The following RABEP1 variants were observed in gnomAD, a reference collection of about 807,000 sequenced individuals.
RABEP1 encodes rabaptin, RAB GTPase binding effector protein 1.
A neutral mutation model predicts 123.4 loss-of-function variants in RABEP1; 51 were observed. The ratio of observed to expected loss-of-function variants is 0.41; its 90% confidence interval spans 0.33 to 0.52. The LOEUF (loss-of-function observed/expected upper bound fraction) is 0.52, where lower values mean the gene tolerates loss of function less well. Ranked by LOEUF, RABEP1 falls within the 20% of genes least tolerant of loss-of-function variation. The probability of loss-of-function intolerance (pLI) is 0.16; values close to 1 mark genes in which losing one functional copy is unlikely to be tolerated. For synonymous variants in RABEP1, 347 were observed against 355.2 expected (o/e 0.98, Z 0.26); for missense variants, 888 against 996.3 (o/e 0.89, Z 1.46).
chr17:5,310,699 G>A (rs1359532489), intron 2 of RABEP1, among the ~76,000 whole-genome samples: 1 of 152,052 alleles, frequency 6.6e-6, no homozygotes, highest in Non-Finnish European at 1.5e-5. Context: ...TAGCTTTATA[G>A]CCGAAATTTT....
At chr17:5,318,379 A>G (rs80222842) in intron 2 of RABEP1, among the ~76,000 whole-genome samples, 2,358 of 152,282 alleles carry the variant, frequency 0.015, 55 homozygotes, top group African/African-American at 0.054. Context: ...TATGTGAATT[A>G]TATCTCAATG....
At chr17:5,335,134 A>AT (rs762470129) in intron 3 of RABEP1, 50 bp from the exon 4 acceptor site, 2,183 of 1,422,710 alleles carry the variant, frequency 1.5e-3, no homozygotes, top group South Asian at 2.9e-3. Context: ...GTGCCAGGTT[A>AT]TTTTTTTTTC....
chr17:5,325,754 A>G (rs1354250034), intron 2 of RABEP1, among the ~76,000 whole-genome samples: 1 of 152,066 alleles, frequency 6.6e-6, no homozygotes, highest in African/African-American at 2.4e-5. Flanking sequence ...AGGGTGATAG[A>G]TACCCGAACT....
intron 14 of RABEP1, 68 bp downstream of exon 14, chr17:5,377,373 C>T: frequency 7.9e-7 from 1 of 1,272,484 alleles, no homozygotes; most frequent in Non-Finnish European, 1.1e-6. Flanking sequence ...AGAAGCAATA[C>T]ATGGCCATGG....
intron 5 of RABEP1, 159 bp downstream of exon 5, chr17:5,338,297 C>T (rs955659941): frequency 7.7e-6 from 7 of 906,944 alleles, no homozygotes; most frequent in African/African-American, 3.5e-5. Context: ...CGAGGTGGCT[C>T]ACGCCTGTAA....
chr17:5,338,188 A>G (rs371942500), intron 5 of RABEP1, 50 bp downstream of exon 5: 79 of 1,550,650 alleles, frequency 5.1e-5, no homozygotes, highest in Non-Finnish European at 6.4e-5. Context: ...TTCTGCCCCA[A>G]TGCCATGAAC....
intron 1 of RABEP1, among the ~76,000 whole-genome samples, chr17:5,302,327 T>C (rs2075142912): frequency 6.8e-6 from 1 of 147,530 alleles, no homozygotes; most frequent in African/African-American, 2.5e-5. Flanking sequence ...TGCAGCCTTG[T>C]CCTCCCCAGT....
At chr17:5,284,851 T>TAAA (rs11417038) in intron 1 of RABEP1, among the ~76,000 whole-genome samples, 1 of 144,022 alleles carries the variant, frequency 6.9e-6, no homozygotes. Flanking sequence ...TCCTGCTGAT[T>TAAA]AAAAAAAAAA....
intron 1 of RABEP1, among the ~76,000 whole-genome samples, chr17:5,284,826 G>C (rs1427204564): frequency 6.7e-6 from 1 of 149,968 alleles, no homozygotes; most frequent in Non-Finnish European, 1.5e-5. Context: ...CTTTAGGCAC[G>C]TTTGAATTTC....
rs934877921 is a variant in RABEP1, at chr17:5,354,451, A to T, written c.1056A>T (p.Leu352Phe). The T allele has an allele frequency of 4.3e-6, 7 of 1,612,932 alleles. No individual in the cohort carries two copies. The Admixed American group carries it at 8.3e-5, about 19-fold the overall frequency. Residue 352 changes from leucine to phenylalanine, a missense_variant, in exon 8 of 18, where the codon TTA becomes TTT. Coordinates refer to ENST00000537505, the MANE Select transcript of RABEP1 (RefSeq NM_004703.6). ...EEIKIPVVCALTQEESSAQLS... is the reference protein window; with the variant it reads ...EEIKIPVVCAFTQEESSAQLS... ...TAAAAATACCAGTAGTGTGTGCTTT[A>T]ACTCAAGAAGAATCTTCAGCCCAGT...
At chr17:5,286,826 GA>G (rs2074983154) in intron 1 of RABEP1, among the ~76,000 whole-genome samples, 1 of 152,176 alleles carries the variant, frequency 6.6e-6, no homozygotes, top group Admixed American at 6.5e-5. Flanking sequence ...GTTGTTAGAT[GA>G]TAAGTGCAAT....
intron 12 of RABEP1, chr17:5,371,292 A>G (rs1233429449): frequency 1.3e-5 from 2 of 151,942 alleles, no homozygotes; most frequent in African/African-American, 4.8e-5. Context: ...ACATTTTCAG[A>G]TTTGATTTTT....
chr17:5,305,362 A>G (rs775866417), intron 1 of RABEP1, among the ~76,000 whole-genome samples: 6 of 152,148 alleles, frequency 3.9e-5, no homozygotes, highest in Non-Finnish European at 7.4e-5. Flanking sequence ...GCCTGGAGAG[A>G]GCCAGGCTTT....
chr17:5,362,410 C>T (rs1033105128), intron 9 of RABEP1, among the ~76,000 whole-genome samples: 2 of 152,166 alleles, frequency 1.3e-5, no homozygotes, highest in African/African-American at 4.8e-5. Context: ...CTTTCCTTGA[C>T]TGAGGGCTGC....
At position 5,377,251 on chromosome 17, in the gene RABEP1, GA is replaced by G; in HGVS notation, c.2165del (p.Asn722IlefsTer8). 6.3e-7 allele frequency: 1 copy of G among 1,596,144 alleles called. No homozygotes were observed. Among genetic ancestry groups the G allele is most frequent in the East Asian group, 2.2e-5 (1 of 44,696 alleles). ...EQIQAEQCLK[E>X]NLEETLQLEI... ...GATCCAAGCAGAACAGTGTTTAAAA[GA>G]AAATCTTGAAGAAACTCTGCAACTA... is the stretch of plus-strand genomic sequence containing the variant. On this transcript the variant is annotated frameshift_variant, in exon 14 of 18. Coordinates refer to ENST00000537505, the MANE Select transcript of RABEP1 (RefSeq NM_004703.6). LOFTEE classifies it high-confidence loss of function.
chr17:5,361,267 A>T lies in RABEP1; in HGVS notation c.1155A>T (p.Pro385=). ...CCTTAGATGCAGGCTTGCTGTTGCC[A>T]TCTGGAGATCCTTTCAGTAAATCGG... ...VHSLDAGLLL[P]SGDPFSKSDN... The change falls in exon 9 of 18, where the codon CCA becomes CCT. Residue 385 remains proline, a synonymous_variant. Transcript: ENST00000537505. 1 of 1,614,184 alleles carries T rather than the reference A, an allele frequency of 6.2e-7. No individual in the cohort carries two copies. The highest frequency in any genetic ancestry group is 8.5e-7 in the Non-Finnish European group (1 of 1,180,028).
intron 1 of RABEP1, among the ~76,000 whole-genome samples, chr17:5,287,704 G>C (rs1398268631): frequency 6.6e-6 from 1 of 151,372 alleles, no homozygotes; most frequent in Admixed American, 6.6e-5. Flanking sequence ...TGGATTGCTT[G>C]AGCCCAGGAG....
At chr17:5,315,560 G>C (rs2075287113) in intron 2 of RABEP1, among the ~76,000 whole-genome samples, 2 of 151,994 alleles carry the variant, frequency 1.3e-5, no homozygotes, top group Admixed American at 1.3e-4. Context: ...AAAAATAATA[G>C]TAAATTCAGG....
chr17:5,327,785 CTA>C (rs1453320895), intron 2 of RABEP1, among the ~76,000 whole-genome samples: 4 of 152,044 alleles, frequency 2.6e-5, no homozygotes, highest in Non-Finnish European at 2.9e-5. Context: ...CAGTATAAAG[CTA>C]TGTTAGACAG....
Sources: allele counts gnomAD v4.1 joint callset (sites outside exome capture counted in the v4.1 genomes callset), GRCh38; gene constraint gnomAD v4.1.1; transcripts MANE v1.5; gene names NCBI Gene and HGNC (gene_info 2026-07-23, HGNC 2026-07-21).